Variants in SRGAP1 observed in about 807,000 individuals in gnomAD.
SRGAP1 encodes SLIT-ROBO Rho GTPase-activating protein 1.
SRGAP1 carries 43 observed loss-of-function variants against 121.9 expected under a neutral mutation model. That is an observed-to-expected ratio of 0.35 (90% CI 0.28 to 0.46). The LOEUF is 0.46. SRGAP1 is among the 20% of genes least tolerant of loss of function. SRGAP1 has a pLI of 1.00. For missense variants in SRGAP1, 1,102 were observed against 1,350.9 expected, an observed-to-expected ratio of 0.82 and a Z score of 2.89; for synonymous variants, 447 against 485.4, an observed-to-expected ratio of 0.92 and a Z score of 1.04.
In SRGAP1 at chr12:63,963,037, T is replaced by C. The variant is rs141608904; in HGVS notation, c.68-20910T>C. On this transcript the variant is annotated intron_variant, in intron 1 of 21. Transcript: ENST00000355086. ...GTAGCTTCTAGAAAATTTAGAATTATGTTTGTGGCCTACATTTATAGCTTA... is the reference window on the plus strand; with the variant it reads ...GTAGCTTCTAGAAAATTTAGAATTACGTTTGTGGCCTACATTTATAGCTTA... Among the ~76,000 whole-genome samples the C allele has an allele frequency of 5.2e-3, 797 of 152,344 alleles. 6 individuals carry two copies. Among genetic ancestry groups the C allele is most frequent in the African/African-American group, 0.018 (732 of 41,572 alleles).
In SRGAP1 at chr12:64,016,995, C is replaced by T. The variant is rs1207540171; in HGVS notation, c.472C>T (p.Leu158Phe). 5.2e-6 allele frequency: 8 copies of T among 1,542,986 alleles called. No individual in the cohort carries two copies. Among genetic ancestry groups the T allele is most frequent in the Non-Finnish European group, 7.1e-6 (8 of 1,121,862 alleles). ...FQLHEDLMKV[L>F]NELYTVMKTY... Reference sequence around the variant, plus strand: ...ACTTCATGAGGATTTAATGAAGGTTCTTAATGAGCTTTATACGGTAAGGAC... The same window carrying T: ...ACTTCATGAGGATTTAATGAAGGTTTTTAATGAGCTTTATACGGTAAGGAC... Residue 158 changes from leucine (L) to phenylalanine (F), a missense_variant, in exon 4 of 22, where the codon CTT becomes TTT. Transcript: ENST00000355086.
intron 2 of SRGAP1, among the ~76,000 whole-genome samples, chr12:63,986,010 A>G (rs1170241390): frequency 6.6e-6 from 1 of 152,204 alleles, no homozygotes; most frequent in Non-Finnish European, 1.5e-5. Context: ...CTACTTGTGC[A>G]GAAGCAAACA....
intron 3 of SRGAP1, among the ~76,000 whole-genome samples, chr12:64,002,292 A>G (rs183456740): frequency 1.4e-3 from 217 of 152,304 alleles, no homozygotes; most frequent in African/African-American, 5.0e-3. Context: ...GCCTACAACT[A>G]CCTACAACTC....
intron 8 of SRGAP1, among the ~76,000 whole-genome samples, chr12:64,072,156 G>GA (rs944782076): frequency 2.7e-5 from 4 of 147,798 alleles, no homozygotes; most frequent in South Asian, 2.2e-4. Context: ...GTGGGCGGCG[G>GA]GGGGGGGCTC....
intron 7 of SRGAP1, among the ~76,000 whole-genome samples, chr12:64,064,858 C>T (rs949105804): frequency 3.9e-5 from 6 of 152,198 alleles, no homozygotes; most frequent in Admixed American, 2.6e-4. Context: ...TCGCAGGAAC[C>T]GCCCCATTCT....
chr12:64,038,694 C>T (rs1352460979), intron 4 of SRGAP1: 4 of 152,120 alleles, frequency 2.6e-5, no homozygotes, highest in Admixed American at 6.6e-5. Context: ...ATCCCAATCT[C>T]CTAAGGAAAT....
intron 1 of SRGAP1, among the ~76,000 whole-genome samples, chr12:63,975,873 C>T (rs1160904231): frequency 6.6e-6 from 1 of 152,124 alleles, no homozygotes; most frequent in African/African-American, 2.4e-5. Flanking sequence ...ACCATTCATT[C>T]TTGTGAGGGT....
chr12:63,961,058 G>A (rs2032623254), intron 1 of SRGAP1, among the ~76,000 whole-genome samples: 1 of 152,116 alleles, frequency 6.6e-6, no homozygotes, highest in Non-Finnish European at 1.5e-5. Flanking sequence ...TGTAATCATT[G>A]ATTTTTTTTC....
chr12:63,870,415 T>C (rs1024000624), intron 1 of SRGAP1, among the ~76,000 whole-genome samples: 2 of 152,150 alleles, frequency 1.3e-5, no homozygotes, highest in African/African-American at 2.4e-5. Context: ...GAATGAATAC[T>C]CTTGCTAAAA....
At chr12:63,859,540 C>A (rs1383439550) in intron 1 of SRGAP1, among the ~76,000 whole-genome samples, 1 of 152,130 alleles carries the variant, frequency 6.6e-6, no homozygotes, top group African/African-American at 2.4e-5. Flanking sequence ...TCATCGTTTT[C>A]ATTTTCATTG....
chr12:63,868,056 ATTTTTTTTT>A (rs1219689164), intron 1 of SRGAP1, among the ~76,000 whole-genome samples: 1 of 57,844 alleles, frequency 1.7e-5, no homozygotes, highest in Non-Finnish European at 3.2e-5. Flanking sequence ...ATATATATAT[ATTTTTTTTT>A]TTTTTTTTTT....
chr12:64,096,828 C>T (rs1292067590), intron 14 of SRGAP1, among the ~76,000 whole-genome samples: 1 of 152,090 alleles, frequency 6.6e-6, no homozygotes, highest in Non-Finnish European at 1.5e-5. Context: ...TTTGCTGACC[C>T]ATATAGCATA....
intron 4 of SRGAP1, among the ~76,000 whole-genome samples, chr12:64,038,297 G>GAT (rs1436228771): frequency 6.6e-6 from 1 of 151,910 alleles, no homozygotes; most frequent in Non-Finnish European, 1.5e-5. Context: ...TGTATACATA[G>GAT]ATATATATAG....
At chr12:64,112,338 G>C (rs1294396164) in intron 17 of SRGAP1, among the ~76,000 whole-genome samples, 1 of 152,106 alleles carries the variant, frequency 6.6e-6, no homozygotes, top group Non-Finnish European at 1.5e-5. Flanking sequence ...AAAGGTTTTG[G>C]TTTCATATAA....
chr12:64,092,053 A>T (rs2036062636), intron 12 of SRGAP1: 1 of 762,394 alleles, frequency 1.3e-6, no homozygotes, highest in African/African-American at 1.8e-5. Flanking sequence ...TGGAAATCAG[A>T]CAAGTTTATA....
intron 8 of SRGAP1, among the ~76,000 whole-genome samples, chr12:64,070,222 T>C (rs1156996778): frequency 1.3e-5 from 2 of 152,256 alleles, no homozygotes; most frequent in African/African-American, 2.4e-5. Flanking sequence ...TGCTTCTTTC[T>C]TTCCAAACTA....
At chr12:63,848,366 C>A (rs1407756126) in intron 1 of SRGAP1, among the ~76,000 whole-genome samples, 2 of 152,012 alleles carry the variant, frequency 1.3e-5, no homozygotes, top group Non-Finnish European at 2.9e-5. Context: ...GAACAGACTT[C>A]ATGGGGCTAT....
At chr12:64,012,770 C>G (rs2034289726) in intron 3 of SRGAP1, among the ~76,000 whole-genome samples, 1 of 151,870 alleles carries the variant, frequency 6.6e-6, no homozygotes, top group Non-Finnish European at 1.5e-5. Flanking sequence ...AGGCTGGTCT[C>G]AAACTCCTAG....
chr12:63,848,318 T>C (rs1425136386), intron 1 of SRGAP1, among the ~76,000 whole-genome samples: 2 of 152,118 alleles, frequency 1.3e-5, no homozygotes, highest in Non-Finnish European at 2.9e-5. Context: ...GGCCCAGATA[T>C]GGAATTTTGC....
Sources: gnomAD v4.1 joint callset for allele counts (sites outside exome capture counted in the v4.1 genomes callset) on GRCh38, gnomAD v4.1.1 for gene constraint, MANE v1.5 for transcripts, NCBI Gene and HGNC (gene_info 2026-07-23, HGNC 2026-07-21) for gene names.